Variants in QTMAN observed in about 807,000 individuals in gnomAD.
QTMAN encodes queuosine-tRNA mannosyltransferase, also known as tRNA-queuosine alpha-mannosyltransferase.
At chr2:144,302,229 T>TTA in the QTMAN span, among the ~76,000 whole-genome samples, 490 of 150,346 alleles carry the variant, frequency 3.3e-3, 3 homozygotes, top group African/African-American at 7.6e-3. Flanking sequence ...TTTTCCTCAA[T>TTA]TATATATATA....
the QTMAN span, among the ~76,000 whole-genome samples, chr2:144,081,822 G>A: frequency 1.3e-5 from 2 of 152,154 alleles, no homozygotes; most frequent in African/African-American, 4.8e-5. Context: ...GATTCAAGAG[G>A]TCCAGAGAGA....
At chr2:144,258,999 G>A in the QTMAN span, among the ~76,000 whole-genome samples, 6 of 152,156 alleles carry the variant, frequency 3.9e-5, no homozygotes, top group Admixed American at 3.9e-4. Context: ...AATTTAGGGA[G>A]AATTGTTCCT....
At chr2:144,031,039 T>C in the QTMAN span, among the ~76,000 whole-genome samples, 3 of 152,216 alleles carry the variant, frequency 2.0e-5, no homozygotes, top group South Asian at 2.1e-4. Flanking sequence ...CAAACGTTCC[T>C]GCCAGACAAA....
the QTMAN span, among the ~76,000 whole-genome samples, chr2:144,156,512 T>G: frequency 6.6e-6 from 1 of 152,238 alleles, no homozygotes; most frequent in East Asian, 1.9e-4. Context: ...AAGGTAAGAC[T>G]TTTCACAAAC....
At chr2:144,182,872 A>T in the QTMAN span, among the ~76,000 whole-genome samples, 7 of 76,630 alleles carry the variant, frequency 9.1e-5, no homozygotes, top group East Asian at 3.1e-4. Flanking sequence ...ATATATATAT[A>T]TTATATATAT....
chr2:144,255,169 T>A, the QTMAN span, among the ~76,000 whole-genome samples: 2 of 152,038 alleles, frequency 1.3e-5, no homozygotes, highest in Non-Finnish European at 1.5e-5. Context: ...GGATAGAAGA[T>A]TTGGGAGGGG....
chr2:144,228,591 C>T, the QTMAN span, among the ~76,000 whole-genome samples: 288 of 152,014 alleles, frequency 1.9e-3, 2 homozygotes, highest in African/African-American at 6.6e-3. Flanking sequence ...GGAGAGAAAA[C>T]GGGAGGGATC....
At chr2:143,957,183 G>A in the QTMAN span, 2 of 1,577,246 alleles carry the variant, frequency 1.3e-6, no homozygotes, top group Non-Finnish European at 1.7e-6. Flanking sequence ...ATCACAAACA[G>A]AAAGAACTTA....
chr2:144,034,475 T>C, the QTMAN span, among the ~76,000 whole-genome samples: 1 of 152,224 alleles, frequency 6.6e-6, no homozygotes, highest in Non-Finnish European at 1.5e-5. Flanking sequence ...GTTTGCTTTA[T>C]ATTGGAATTT....
the QTMAN span, among the ~76,000 whole-genome samples, chr2:144,207,168 C>T: frequency 4.6e-5 from 7 of 152,046 alleles, no homozygotes; most frequent in African/African-American, 1.7e-4. Context: ...AACATTAAAT[C>T]ATGTAAAGAA....
the QTMAN span, among the ~76,000 whole-genome samples, chr2:144,179,372 A>C: frequency 1.3e-5 from 2 of 152,164 alleles, no homozygotes; most frequent in African/African-American, 4.8e-5. Context: ...TGCTTGCTCA[A>C]TTGTTTTGAA....
At chr2:144,007,732 C>A in the QTMAN span, among the ~76,000 whole-genome samples, 8 of 152,080 alleles carry the variant, frequency 5.3e-5, no homozygotes, top group Non-Finnish European at 2.9e-5. Context: ...ACTGGGCTGT[C>A]TTTGAATAGT....
chr2:144,114,554 A>G, the QTMAN span, among the ~76,000 whole-genome samples: 2 of 152,200 alleles, frequency 1.3e-5, no homozygotes, highest in East Asian at 1.9e-4. Flanking sequence ...GCCCTTGAGT[A>G]TAATAATTTG....
the QTMAN span, among the ~76,000 whole-genome samples, chr2:144,001,847 A>G: frequency 6.6e-6 from 1 of 151,864 alleles, no homozygotes; most frequent in East Asian, 1.9e-4. Flanking sequence ...TATTCAGGGG[A>G]AAAAAATTTA....
chr2:144,044,983 T>A, the QTMAN span, among the ~76,000 whole-genome samples: 1 of 151,962 alleles, frequency 6.6e-6, no homozygotes. Flanking sequence ...ATACAAGGAG[T>A]TATATATGTA....
chr2:144,119,814 C>G, the QTMAN span, among the ~76,000 whole-genome samples: 1 of 152,148 alleles, frequency 6.6e-6, no homozygotes, highest in East Asian at 1.9e-4. Flanking sequence ...TTCACTAGAT[C>G]CTGTGCCTCT....
At chr2:144,192,068 G>A in the QTMAN span, among the ~76,000 whole-genome samples, 2 of 152,000 alleles carry the variant, frequency 1.3e-5, no homozygotes, top group South Asian at 2.1e-4. Flanking sequence ...TATTTTGGAG[G>A]AGATAGGGTT....
At chr2:144,317,716 CT>C in the QTMAN span, 2 of 152,154 alleles carry the variant, frequency 1.3e-5, no homozygotes, top group Non-Finnish European at 2.9e-5. Flanking sequence ...AAATACTCTT[CT>C]GACCTGATAC....
chr2:144,005,644 T>C, the QTMAN span: 1 of 152,156 alleles, frequency 6.6e-6, no homozygotes, highest in Non-Finnish European at 1.5e-5. Flanking sequence ...ATAATTTAGC[T>C]TTAACAATAA....
Sources: gnomAD v4.1 joint callset for allele counts (sites outside exome capture counted in the v4.1 genomes callset) on GRCh38, gnomAD v4.1.1 for gene constraint, MANE v1.5 for transcripts, NCBI Gene and HGNC (gene_info 2026-07-23, HGNC 2026-07-21) for gene names.